Variants in CMYA5 observed in about 807,000 individuals in gnomAD.
CMYA5 encodes the protein cardiomyopathy-associated protein 5.
CMYA5 carries 246 observed loss-of-function variants against 318.9 expected under a neutral mutation model. That is an observed-to-expected ratio of 0.77 (90% CI 0.70 to 0.86). The LOEUF (loss-of-function observed/expected upper bound fraction) is 0.86, where lower values mean the gene tolerates loss of function less well. Among genes scored for constraint, CMYA5 ranks in the 40% least tolerant of loss-of-function variants. The pLI is 0.00. For synonymous variants in CMYA5, 1,641 were observed against 1,729.5 expected (o/e 0.95, Z 1.27); for missense variants, 4,589 against 4,678.2 (o/e 0.98, Z 0.56).
intron 12 of CMYA5, among the ~76,000 whole-genome samples, chr5:79,795,145 G>A (rs1385203943): frequency 2.0e-5 from 3 of 152,064 alleles, no homozygotes; most frequent in East Asian, 3.9e-4. Context: ...TTGGCCTTTG[G>A]CTCTTTCAGG....
chr5:79,760,385 G>A (rs187609604), intron 7 of CMYA5, among the ~76,000 whole-genome samples: 4 of 152,228 alleles, frequency 2.6e-5, no homozygotes, highest in Middle Eastern at 6.8e-3. Context: ...AGGGTAATAG[G>A]ATGTATTAGT....
At chr5:79,709,576 A>G (rs1365593652) in intron 1 of CMYA5, among the ~76,000 whole-genome samples, 1 of 152,182 alleles carries the variant, frequency 6.6e-6, no homozygotes, top group Non-Finnish European at 1.5e-5. Context: ...ATAGAGGATG[A>G]AAAGCTCATT....
In CMYA5 at chr5:79,736,076, T is replaced by G; in HGVS notation, c.7311T>G (p.Thr2437=). 6.2e-7 allele frequency: 1 copy of G among 1,612,342 alleles called. No homozygotes were observed. The highest frequency in any genetic ancestry group is 1.7e-4 in the Middle Eastern group (1 of 6,058). The change falls in exon 2 of 13, where the codon ACT becomes ACG. Residue 2437 remains threonine (T), a synonymous_variant. Coordinates refer to ENST00000446378, the MANE Select transcript of CMYA5 (RefSeq NM_153610.5). ...TCAAGAAAGAAATGCAAAATCCTAC[T>G]TCCTTGAAAATTTCTGAAGAGGAAA... is the stretch of plus-strand genomic sequence containing the variant. ...DRLKKEMQNP[T]SLKISEEETK...
At chr5:79,704,513 AC>A (rs1403702446) in intron 1 of CMYA5, among the ~76,000 whole-genome samples, 1 of 152,068 alleles carries the variant, frequency 6.6e-6, no homozygotes. Flanking sequence ...AAGTTTTCCT[AC>A]CCCTTTATTT....
intron 1 of CMYA5, among the ~76,000 whole-genome samples, chr5:79,707,301 G>T (rs1264236064): frequency 6.6e-6 from 1 of 151,958 alleles, no homozygotes; most frequent in East Asian, 1.9e-4. Flanking sequence ...CACTAGAAAG[G>T]ATTTCATTTT....
intron 1 of CMYA5, among the ~76,000 whole-genome samples, chr5:79,690,785 T>G (rs1466794129): frequency 6.6e-6 from 1 of 152,206 alleles, no homozygotes; most frequent in Non-Finnish European, 1.5e-5. Flanking sequence ...TTGGGTTTTT[T>G]CCTGACTGTG....
In CMYA5 at chr5:79,735,192, C is replaced by G. The variant is rs764555344; in HGVS notation, c.6427C>G (p.Pro2143Ala). ...CATCTCCTCAATCCATGCAAGAGAG[C>G]CTCAATCCCCAGAGTCACCTGAGGT... ...KPISSIHARE[P>A]QSPESPEVTQ... Residue 2143 changes from proline (P) to alanine (A), a missense_variant, in exon 2 of 13, where the codon CCT becomes GCT. By Grantham distance (27) the Pro-to-Ala change is conservative. This residue lies in a region of CMYA5 where 2,431 missense variants were observed against 2,495.1 expected (regional missense o/e 0.97). Transcript: ENST00000446378. 1.9e-6 allele frequency: 3 copies of G among 1,613,684 alleles called. No individual in the cohort carries two copies. Among genetic ancestry groups the G allele is most frequent in the Non-Finnish European group, 2.5e-6 (3 of 1,179,764 alleles).
chr5:79,730,141 A>G lies in CMYA5; in HGVS notation c.1376A>G (p.Asp459Gly), dbSNP rs752011220. Residue 459 changes from aspartate (D) to glycine (G), a missense_variant, in exon 2 of 13, where the codon GAC becomes GGC. Around this residue, in one of 3 missense-constraint regions of CMYA5, gnomAD observed 2,132 missense variants for 2,131.3 expected, o/e 1.00. Transcript: ENST00000446378. ...TTGGACCCAGACCAAGAACAGCCGG[A>G]CCTGACTTCAATAGAAAGGGCAGAA... ...DGLDPDQEQP[D>G]LTSIERAEPV... The G allele has an allele frequency of 6.2e-7, 1 of 1,613,870 alleles. No individual in the cohort carries two copies. Among genetic ancestry groups the G allele is most frequent in the Non-Finnish European group, 8.5e-7 (1 of 1,179,878 alleles).
chr5:79,768,485 G>T (rs979775579), intron 9 of CMYA5, among the ~76,000 whole-genome samples: 4 of 152,148 alleles, frequency 2.6e-5, no homozygotes, highest in African/African-American at 9.7e-5. Context: ...GCTCTTGTAA[G>T]GTAGGCCTGG....
In CMYA5 at chr5:79,732,474, G is replaced by T. The variant is rs1827937750; in HGVS notation, c.3709G>T (p.Glu1237Ter). 1.2e-6 allele frequency: 2 copies of T among 1,613,074 alleles called. No homozygotes were observed. The highest frequency in any genetic ancestry group is 2.7e-5 in the African/African-American group (2 of 74,916). Reference protein sequence around the residue: ...EPQPPNVPESEMKYSVLPDMV... With the variant: ...EPQPPNVPES ...TCAGCCTCCAAATGTTCCAGAGTCT[G>T]AGATGAAATATTCAGTTTTGCCTGA... Residue 1237 changes from glutamate to a stop codon, truncating the protein, a stop_gained, in exon 2 of 13, where the codon GAG becomes TAG. Coordinates refer to ENST00000446378, the MANE Select transcript of CMYA5 (RefSeq NM_153610.5). LOFTEE classifies it high-confidence loss of function.
chr5:79,739,048 A>G lies in CMYA5; in HGVS notation c.10283A>G (p.His3428Arg), dbSNP rs1828156739. 1 of 1,613,954 alleles carries G rather than the reference A, an allele frequency of 6.2e-7. No individual in the cohort carries two copies. The highest frequency in any genetic ancestry group is 8.5e-7 in the Non-Finnish European group (1 of 1,179,868). Residue 3428 changes from histidine to arginine, a missense_variant, in exon 2 of 13, where the codon CAT becomes CGT. Coordinates refer to ENST00000446378, the MANE Select transcript of CMYA5 (RefSeq NM_153610.5). ...GAGTATGAATTTACAGAATCCCTGC[A>G]TAATGAAGTGGTTCCTCAAGACATA... Reference protein sequence around the residue: ...QDEYEFTESLHNEVVPQDILS... With the variant: ...QDEYEFTESLRNEVVPQDILS...
rs1478493986 is a variant in CMYA5, at chr5:79,788,974, T to C, written c.11559T>C (p.Ser3853=). ...ATTATTTTCCTCTTGTATTTAGATC[T>C]TTCTCTGGAATCAAAGGACTCCAGC... ...QHSPEGEGLR[S]FSGIKGLQLK... The change falls in exon 10 of 13, where the codon TCT becomes TCC. Residue 3853 remains serine (S), a synonymous_variant. Coordinates refer to ENST00000446378, the MANE Select transcript of CMYA5 (RefSeq NM_153610.5). 1.2e-6 allele frequency: 2 copies of C among 1,613,460 alleles called. No homozygotes were observed. The highest frequency in any genetic ancestry group is 1.1e-5 in the South Asian group (1 of 90,962).
intron 1 of CMYA5, among the ~76,000 whole-genome samples, chr5:79,702,558 T>C (rs1827193643): frequency 6.6e-6 from 1 of 152,084 alleles, no homozygotes; most frequent in Admixed American, 6.6e-5. Context: ...GGCAAATCTG[T>C]AGAGACCCAG....
intron 6 of CMYA5, among the ~76,000 whole-genome samples, chr5:79,757,423 C>T (rs1411269429): frequency 3.3e-5 from 5 of 152,040 alleles, no homozygotes; most frequent in African/African-American, 4.8e-5. Context: ...TTCAGAACAA[C>T]GGAGTTATAC....
At chr5:79,739,424 C>A in intron 2 of CMYA5, 21 bp downstream of exon 2, 2 of 1,445,750 alleles carry the variant, frequency 1.4e-6, no homozygotes, top group South Asian at 1.5e-5. Flanking sequence ...GTTGAACACA[C>A]ATAATTAATA....
In CMYA5 at chr5:79,732,510, G is replaced by T. The variant is rs779242405; in HGVS notation, c.3745G>T (p.Glu1249Ter). 4.3e-6 allele frequency: 7 copies of T among 1,613,224 alleles called. No individual in the cohort carries two copies. The highest frequency in any genetic ancestry group is 5.9e-6 in the Non-Finnish European group (7 of 1,179,606). Residue 1249 changes from glutamate (E) to a stop codon, truncating the protein, a stop_gained, in exon 2 of 13, where the codon GAG becomes TAG. Coordinates refer to ENST00000446378, the MANE Select transcript of CMYA5 (RefSeq NM_153610.5). LOFTEE classifies it high-confidence loss of function. ...TTCAGTTTTGCCTGACATGGTAGAT[G>T]AGCCAAAGAAGGGTGTCAAGCCCAA... ...KYSVLPDMVD[E>*]PKKGVKPKLV...
At chr5:79,706,589 C>G (rs1001698546) in intron 1 of CMYA5, among the ~76,000 whole-genome samples, 1 of 152,016 alleles carries the variant, frequency 6.6e-6, no homozygotes, top group Non-Finnish European at 1.5e-5. Context: ...GAACAGGTGC[C>G]CCTCATGCGT....
At position 79,734,341 on chromosome 5, in the gene CMYA5, A is replaced by G. The variant is rs560839007; in HGVS notation, c.5576A>G (p.Glu1859Gly). The G allele has an allele frequency of 1.2e-6, 2 of 1,613,894 alleles. No homozygotes were observed. The highest frequency in any genetic ancestry group is 2.2e-5 in the South Asian group (2 of 91,080). ...ATTAAGCAGTTTTCACTTATGAGAG[A>G]GAATTTGCCTTTGGAACAATCAAAA... ...LGIKQFSLMR[E>G]NLPLEQSKSF... The change falls in exon 2 of 13, where the codon GAG becomes GGG. Residue 1859 changes from glutamate to glycine, a missense_variant. Transcript: ENST00000446378.
intron 12 of CMYA5, among the ~76,000 whole-genome samples, chr5:79,798,375 C>A (rs1394695351): frequency 2.0e-5 from 3 of 152,106 alleles, no homozygotes; most frequent in Non-Finnish European, 4.4e-5. Context: ...ATCTCTCATT[C>A]CACTCCTTCC....
Sources: allele counts gnomAD v4.1 joint callset (sites outside exome capture counted in the v4.1 genomes callset), GRCh38; gene constraint gnomAD v4.1.1; regional missense constraint gnomAD v4.1.1; transcripts MANE v1.5; gene names NCBI Gene and HGNC (gene_info 2026-07-23, HGNC 2026-07-21).